RYR2: variants seen among roughly 807,000 people sequenced by gnomAD.
RYR2 encodes the protein cardiac muscle ryanodine receptor-calcium release channel.
In RYR2, 227 loss-of-function variants were observed where a neutral mutation model predicts 601.1. The ratio of observed to expected loss-of-function variants is 0.38; its 90% CI spans 0.34 to 0.42. The LOEUF is 0.42. RYR2 is among the 10% of genes least tolerant of loss of function. The probability of loss-of-function intolerance (pLI) is 1.00; values close to 1 mark genes in which losing one functional copy is unlikely to be tolerated. For synonymous variants in RYR2, 2,223 were observed against 2,175.1 expected, an observed-to-expected ratio of 1.02 and a Z score of -0.61; for missense variants, 4,646 against 6,156.5, an observed-to-expected ratio of 0.75 and a Z score of 8.21.
intron 50 of RYR2, among the ~76,000 whole-genome samples, chr1:237,651,025 G>A (rs1176669505): frequency 6.6e-6 from 1 of 151,792 alleles, no homozygotes; most frequent in Non-Finnish European, 1.5e-5. Flanking sequence ...CCTCCTTTCT[G>A]TTCCAATATT....
chr1:237,778,813 G>A, intron 88 of RYR2, 43 bp downstream of exon 88: 2 of 957,902 alleles, frequency 2.1e-6, no homozygotes, highest in Non-Finnish European at 1.7e-6. Context: ...ATGACAAACT[G>A]GAGACTGTAA....
chr1:237,374,682 C>A (rs1440172837), intron 6 of RYR2, 35 bp from the exon 7 acceptor site: 1 of 1,547,846 alleles, frequency 6.5e-7, no homozygotes, highest in Non-Finnish European at 8.9e-7. Context: ...ACGAACAAAA[C>A]CTCTACTTAC....
rs2148552526 is a variant in RYR2, at chr1:237,106,492, G to A, written c.48+63923G>A. 6.6e-6 allele frequency among the ~76,000 whole-genome samples: 1 copy of A among 152,320 alleles called. No individual in the cohort carries two copies. Among genetic ancestry groups the A allele is most frequent in the Non-Finnish European group, 1.5e-5 (1 of 68,032 alleles). On this transcript the variant is annotated intron_variant, in intron 1 of 104. Coordinates refer to ENST00000366574, the MANE Select transcript of RYR2 (RefSeq NM_001035.3). The surrounding 1 kb of genome is among the most constrained non-coding windows in gnomAD (Gnocchi z 4.4). ...CAGATGATGTTTCACCAGCTAAGAT[G>A]GAGCGGTCCTGGAAAGAGTGAAGAT...
intron 1 of RYR2, among the ~76,000 whole-genome samples, chr1:237,216,384 C>T (rs1572234541): frequency 6.6e-6 from 1 of 152,146 alleles, no homozygotes; most frequent in East Asian, 1.9e-4. Context: ...TTTATTAAAT[C>T]TTAGAAAAGT....
intron 1 of RYR2, among the ~76,000 whole-genome samples, chr1:237,057,232 C>CTGGA (rs1384324255): frequency 6.6e-6 from 1 of 152,036 alleles, no homozygotes; most frequent in Non-Finnish European, 1.5e-5. Context: ...GTCGCCCAGG[C>CTGGA]TGGAGTGCAG....
At chr1:237,811,724 T>G (rs1159697042) in intron 100 of RYR2, among the ~76,000 whole-genome samples, 2 of 152,160 alleles carry the variant, frequency 1.3e-5, no homozygotes, top group East Asian at 3.9e-4. Context: ...TTTCAACTCA[T>G]CCTTCCACAC....
intron 58 of RYR2, among the ~76,000 whole-genome samples, chr1:237,669,118 C>A (rs1684596576): frequency 7.0e-6 from 1 of 141,846 alleles, no homozygotes; most frequent in South Asian, 2.4e-4. Context: ...TTTAACAAAG[C>A]ACATCTTGCA....
intron 14 of RYR2, among the ~76,000 whole-genome samples, chr1:237,448,891 A>G (rs1031330674): frequency 6.6e-6 from 1 of 151,854 alleles, no homozygotes; most frequent in African/African-American, 2.4e-5. Flanking sequence ...TTTAAGCAAT[A>G]AGTAGTTGGG....
At chr1:237,589,142 C>T (rs2148426004) in intron 29 of RYR2, among the ~76,000 whole-genome samples, 1 of 152,174 alleles carries the variant, frequency 6.6e-6, no homozygotes, top group Non-Finnish European at 1.5e-5. Context: ...ATAAATGTAC[C>T]TCATTCATGC....
intron 1 of RYR2, among the ~76,000 whole-genome samples, chr1:237,157,854 T>G (rs888836258): frequency 6.6e-6 from 1 of 152,172 alleles, no homozygotes; most frequent in Non-Finnish European, 1.5e-5. Flanking sequence ...AATAATTTAT[T>G]ATATATTTCA....
intron 1 of RYR2, among the ~76,000 whole-genome samples, chr1:237,242,201 TG>T (rs1301909026): frequency 3.5e-3 from 28 of 7,994 alleles, no homozygotes; most frequent in Non-Finnish European, 0.033. Flanking sequence ...CTGTTTTTTT[TG>T]TTTGTTTGTT....
At chr1:237,143,794 A>T (rs999697191) in intron 1 of RYR2, among the ~76,000 whole-genome samples, 1 of 152,172 alleles carries the variant, frequency 6.6e-6, no homozygotes, top group Non-Finnish European at 1.5e-5. Flanking sequence ...GGGGAAAAAG[A>T]ACAAAAACCA....
In RYR2 at chr1:237,814,969, T is replaced by C. The variant is rs397840453; in HGVS notation, c.14434-4067T>C. ...TCTGCTCCTTTTTTCTTTTTTCTTT[T>C]TTTTTTTTTTTTTTTGCCAAGATGA... is the stretch of plus-strand genomic sequence containing the variant. On this transcript the variant is annotated intron_variant, in intron 100 of 104. Transcript: ENST00000366574. Among the ~76,000 whole-genome samples, 8 of 130,804 alleles carry C rather than the reference T, an allele frequency of 6.1e-5. No individual in the cohort carries two copies. In the East Asian group the frequency reaches 9.1e-4, roughly 15 times the overall value. The allele number at this position is 130,804 out of a possible 152,430, so 85.8% of individuals were successfully genotyped here.
At chr1:237,728,064 A>G (rs1690341916) in intron 76 of RYR2, among the ~76,000 whole-genome samples, 1 of 151,976 alleles carries the variant, frequency 6.6e-6, no homozygotes, top group African/African-American at 2.4e-5. Flanking sequence ...TATTAAGGCT[A>G]TTTGTCTCTT....
chr1:237,364,239 T>C (rs928512881), intron 4 of RYR2, 119 bp from the exon 5 acceptor site: 2 of 824,672 alleles, frequency 2.4e-6, no homozygotes, highest in Non-Finnish European at 3.6e-6. Flanking sequence ...TTTTTATGTT[T>C]ATTGTTTACA....
Position 237,674,829 on chromosome 1 carries a change from A to G in RYR2, c.8813A>G (p.Gln2938Arg), listed in dbSNP as rs1685257592. Residue 2938 changes from glutamine to arginine, a missense_variant, in exon 60 of 105, where the codon CAG (glutamine) becomes CGG (arginine). By Grantham distance (43) the Gln-to-Arg change is conservative. This residue lies in a region of RYR2 where 1,497 missense variants were observed against 1,842.6 expected (regional missense o/e 0.81). Transcript: ENST00000366574. The stretch of plus-strand genomic sequence containing the variant: ...ATTCGCTATGTGGATGAAGCCCATC[A>G]GTATATCCTGGAGTTTGGTAGGTAC... The part of the protein sequence containing the change: ...QLIRYVDEAH[Q>R]YILEFDGGSR... The G allele has an allele frequency of 2.5e-6, 4 of 1,606,896 alleles. No individual in the cohort carries two copies. The highest frequency in any genetic ancestry group is 1.7e-4 in the Middle Eastern group (1 of 6,046).
At position 237,500,695 on chromosome 1, in the gene RYR2, GT is replaced by G; in HGVS notation, c.2204-12del. On this transcript the variant is annotated splice_polypyrimidine_tract_variant and intron_variant, in intron 20 of 104. Coordinates refer to ENST00000366574, the MANE Select transcript of RYR2 (RefSeq NM_001035.3). The stretch of plus-strand genomic sequence containing the variant: ...AAAAAAATACATGACCTTCCTTAAT[GT>G]TTTCCCCCCAATAGGTTGTATTGCT... 1 of 1,568,536 alleles carries G rather than the reference GT, an allele frequency of 6.4e-7. No individual in the cohort carries two copies. The highest frequency in any genetic ancestry group is 8.7e-7 in the Non-Finnish European group (1 of 1,155,092).
At chr1:237,718,613 C>T (rs1689454739) in intron 73 of RYR2, 92 bp downstream of exon 73, 1 of 610,682 alleles carries the variant, frequency 1.6e-6, no homozygotes, top group East Asian at 3.0e-5. Context: ...TTACTTTAAA[C>T]ATTAAGGTAA....
chr1:237,617,821 C>T (rs940879768), intron 38 of RYR2, among the ~76,000 whole-genome samples: 7 of 152,256 alleles, frequency 4.6e-5, no homozygotes, highest in African/African-American at 1.7e-4. Flanking sequence ...TCCTAGGACT[C>T]GATGCTAGAG....
Sources: gnomAD v4.1 joint callset for allele counts (sites outside exome capture counted in the v4.1 genomes callset) on GRCh38, gnomAD v4.1.1 for gene constraint, gnomAD v4.1.1 regional missense constraint, Gnocchi (gnomAD v3.1) non-coding constraint, MANE v1.5 for transcripts, NCBI Gene and HGNC (gene_info 2026-07-23, HGNC 2026-07-21) for gene names.